The following LTBP1 variants were observed in gnomAD, a reference collection of about 807,000 sequenced individuals.
LTBP1 encodes the protein latent-transforming growth factor beta-binding protein 1.
In LTBP1, 129 loss-of-function variants were observed where a neutral mutation model predicts 207.6. That is an observed-to-expected ratio of 0.62 (90% CI 0.54 to 0.72). LTBP1 has a LOEUF of 0.72. Among genes scored for constraint, LTBP1 ranks in the 30% least tolerant of loss-of-function variants. The pLI is 0.00. For missense variants in LTBP1, 2,281 were observed against 2,217.2 expected (o/e 1.03, Z -0.58); for synonymous variants, 963 against 833.7 (o/e 1.16, Z -2.67).
intron 24 of LTBP1, among the ~76,000 whole-genome samples, chr2:33,341,729 A>AAAAAAAAAAAAATATATAT (rs745445793): frequency 1.1e-5 from 1 of 93,636 alleles, no homozygotes; most frequent in African/African-American, 5.1e-5. Flanking sequence ...AAAAAAAAAA[A>AAAAAAAAAAAAATATATAT]ATATATATAT....
intron 5 of LTBP1, among the ~76,000 whole-genome samples, chr2:33,135,757 G>T (rs1424733900): frequency 6.6e-6 from 1 of 152,196 alleles, no homozygotes; most frequent in Non-Finnish European, 1.5e-5. Flanking sequence ...TTGCCATGTT[G>T]TCATGCAATA....
At position 33,022,005 on chromosome 2, in the gene LTBP1, A is replaced by G. The variant is rs1256826348; in HGVS notation, c.863+799A>G. Among the ~76,000 whole-genome samples, 4 of 152,188 alleles carry G rather than the reference A, an allele frequency of 2.6e-5. No homozygotes were observed. The East Asian group carries it at 5.8e-4, about 22-fold the overall frequency. On this transcript the variant is annotated intron_variant, in intron 3 of 33. Transcript: ENST00000404816. ...TCACTTGTCATTTGTCTAGGAAGGT[A>G]AAATACAGGAAGTTCCCAACTTAAA...
chr2:33,349,200 C>T (rs1328514319), intron 26 of LTBP1, among the ~76,000 whole-genome samples: 1 of 152,132 alleles, frequency 6.6e-6, no homozygotes, highest in Non-Finnish European at 1.5e-5. Flanking sequence ...CCTGTAATCC[C>T]AACACTTTGG....
intron 24 of LTBP1, among the ~76,000 whole-genome samples, chr2:33,334,327 TG>T (rs560181564): frequency 9.8e-4 from 150 of 152,334 alleles, no homozygotes; most frequent in Non-Finnish European, 1.4e-3. Context: ...CCATTACCCA[TG>T]GAAGAAAACT....
Position 32,989,431 on chromosome 2 carries a change from G to A in LTBP1, c.566-31478G>A, listed in dbSNP as rs115065199. Among the ~76,000 whole-genome samples the A allele has an allele frequency of 3.4e-3, 516 of 152,302 alleles. 4 individuals are homozygous for A. The highest frequency in any genetic ancestry group is 0.01 in the African/African-American group (430 of 41,566). On this transcript the variant is annotated intron_variant, in intron 2 of 33. Transcript: ENST00000404816. ...CTTACATGGTGTATATTACTCAAAGGTAATGAAAGGCAGAGGTAACTTGGA... is the reference window on the plus strand; with the variant it reads ...CTTACATGGTGTATATTACTCAAAGATAATGAAAGGCAGAGGTAACTTGGA...
Position 33,275,055 on chromosome 2 carries a change from G to C in LTBP1, c.2834G>C (p.Gly945Ala). The change falls in exon 17 of 34, where the codon GGA (glycine) becomes GCA (alanine). Residue 945 changes from glycine (G) to alanine (A), a missense_variant. Around this residue, in one of 3 missense-constraint regions of LTBP1, gnomAD observed 1,671 missense variants for 1,634.8 expected, o/e 1.02. Transcript: ENST00000404816. ...EGSFLCICPA[G>A]FMASEEGTNC... ...AGTTTCTTGTGCATTTGCCCAGCAGGATTTATGGCCAGTGAGGAGGGTACT... is the reference window on the plus strand; with the variant it reads ...AGTTTCTTGTGCATTTGCCCAGCAGCATTTATGGCCAGTGAGGAGGGTACT... 1 of 1,614,082 alleles carries C rather than the reference G, an allele frequency of 6.2e-7. No individual in the cohort carries two copies. Among genetic ancestry groups the C allele is most frequent in the East Asian group, 2.2e-5 (1 of 44,880 alleles).
At chr2:32,986,814 G>T (rs911344438) in intron 2 of LTBP1, among the ~76,000 whole-genome samples, 1 of 152,144 alleles carries the variant, frequency 6.6e-6, no homozygotes, top group African/African-American at 2.4e-5. Context: ...AACCTTCATC[G>T]TCTTTAGATC....
At chr2:33,041,818 A>G (rs1428212307) in intron 3 of LTBP1, among the ~76,000 whole-genome samples, 1 of 152,170 alleles carries the variant, frequency 6.6e-6, no homozygotes, top group Non-Finnish European at 1.5e-5. Context: ...ATATATAATT[A>G]TAATGATAAA....
intron 2 of LTBP1, among the ~76,000 whole-genome samples, chr2:32,970,056 T>G (rs1042953874): frequency 6.6e-6 from 1 of 152,166 alleles, no homozygotes; most frequent in Non-Finnish European, 1.5e-5. Context: ...GTTGCTGCAT[T>G]TATATCTTCT....
At chr2:33,207,634 G>A (rs912307669) in intron 7 of LTBP1, among the ~76,000 whole-genome samples, 7 of 152,220 alleles carry the variant, frequency 4.6e-5, no homozygotes, top group African/African-American at 1.4e-4. Context: ...GACAATGCCT[G>A]TTACCCAGCC....
At chr2:33,243,553 C>T in intron 9 of LTBP1, 109 bp from the exon 10 acceptor site, 1 of 977,456 alleles carries the variant, frequency 1.0e-6, no homozygotes. Context: ...CCTTTTTTCA[C>T]TATAACTAAA....
At chr2:33,251,060 C>G (rs1238290985) in intron 10 of LTBP1, among the ~76,000 whole-genome samples, 1 of 152,156 alleles carries the variant, frequency 6.6e-6, no homozygotes, top group East Asian at 1.9e-4. Context: ...CCACTTGGAC[C>G]CACTAACACC....
chr2:32,947,689 C>G lies in LTBP1; in HGVS notation c.365C>G (p.Pro122Arg). The change falls in exon 1 of 34, where the codon CCC becomes CGC. Residue 122 changes from proline (P) to arginine (R), a missense_variant. Pro to Arg is a moderately radical substitution (Grantham distance 103, BLOSUM62 -2). Coordinates refer to ENST00000404816, the MANE Select transcript of LTBP1 (RefSeq NM_206943.4). The stretch of plus-strand genomic sequence containing the variant: ...CCCGGCGGGCAGCTCCACCCCAATC[C>G]CGGCGGCCACCCGGCAGCCGCCCCG... ...AVPGGQLHPN[P>R]GGHPAAAPFT... The G allele has an allele frequency of 1.3e-6, 2 of 1,505,764 alleles. No individual in the cohort carries two copies. The highest frequency in any genetic ancestry group is 1.8e-6 in the Non-Finnish European group (2 of 1,126,712). 93.3% of individuals were successfully genotyped at this position (1,505,764 alleles called of 1,614,324 possible).
At chr2:33,292,848 A>G (rs1408567958) in intron 19 of LTBP1, among the ~76,000 whole-genome samples, 1 of 152,194 alleles carries the variant, frequency 6.6e-6, no homozygotes, top group Non-Finnish European at 1.5e-5. Flanking sequence ...GCTTTCTTGT[A>G]GAGATGTTGC....
At chr2:33,023,605 T>G (rs1307705062) in intron 3 of LTBP1, among the ~76,000 whole-genome samples, 1 of 152,150 alleles carries the variant, frequency 6.6e-6, no homozygotes, top group Non-Finnish European at 1.5e-5. Flanking sequence ...AGAGAAGAGA[T>G]GAGAAGAGAT....
intron 9 of LTBP1, among the ~76,000 whole-genome samples, chr2:33,240,807 C>T (rs111417138): frequency 0.012 from 1,882 of 152,016 alleles, 44 homozygotes; most frequent in African/African-American, 0.043. Context: ...CCTGCCACCA[C>T]GCCTGGCTAA....
chr2:33,316,327 A>G (rs1359745122), intron 24 of LTBP1, among the ~76,000 whole-genome samples: 1 of 152,238 alleles, frequency 6.6e-6, no homozygotes, highest in East Asian at 1.9e-4. Context: ...TGGGTCTAAC[A>G]TAGTGCCCAG....
intron 24 of LTBP1, among the ~76,000 whole-genome samples, chr2:33,339,199 C>G (rs1481367886): frequency 6.6e-6 from 1 of 151,784 alleles, no homozygotes; most frequent in Non-Finnish European, 1.5e-5. Context: ...ATTGGATTTG[C>G]TGATGAAGGA....
intron 25 of LTBP1, among the ~76,000 whole-genome samples, chr2:33,345,296 T>C (rs760714275): frequency 6.6e-6 from 1 of 152,256 alleles, no homozygotes; most frequent in Non-Finnish European, 1.5e-5. Context: ...ATTATTTTGT[T>C]CATTTCCCTA....
Sources: gnomAD v4.1 joint callset for allele counts (sites outside exome capture counted in the v4.1 genomes callset) on GRCh38, gnomAD v4.1.1 for gene constraint, gnomAD v4.1.1 regional missense constraint, MANE v1.5 for transcripts, NCBI Gene and HGNC (gene_info 2026-07-23, HGNC 2026-07-21) for gene names.